TIAM1: variants seen among roughly 807,000 people sequenced by gnomAD.
TIAM1 encodes TIAM Rac1 associated GEF 1.
TIAM1 carries 65 observed loss-of-function variants against 163.5 expected under a neutral mutation model. That is an observed-to-expected ratio of 0.40 (90% CI 0.33 to 0.49). The LOEUF is 0.49. Ranked by LOEUF, TIAM1 falls within the 20% of genes least tolerant of loss-of-function variation. The pLI is 0.77. For missense variants in TIAM1, 1,789 were observed against 2,044.7 expected (o/e 0.87, Z 2.41); for synonymous variants, 833 against 810.1 (o/e 1.03, Z -0.48).
chr21:31,234,223 C>G (rs1259558019), intron 6 of TIAM1, among the ~76,000 whole-genome samples: 1 of 151,872 alleles, frequency 6.6e-6, no homozygotes, highest in African/African-American at 2.4e-5. Context: ...TCTACACAAC[C>G]CTTGGAGATG....
chr21:31,380,450 G>A (rs1414193435), intron 2 of TIAM1, among the ~76,000 whole-genome samples: 2 of 152,172 alleles, frequency 1.3e-5, no homozygotes, highest in African/African-American at 4.8e-5. Context: ...GGCTGAGGCA[G>A]GAGAATCACT....
In TIAM1 at chr21:31,217,598, C is replaced by CTGG; in HGVS notation, c.2096_2097insCCA (p.Leu699_Asp700insGln). On this transcript the variant is annotated inframe_insertion, in exon 9 of 28. Coordinates refer to ENST00000541036, the MANE Select transcript of TIAM1 (RefSeq NM_001353694.2). Reference sequence around the variant, plus strand: ...CCTGCTTCTTTTTGGAGGTAGTATCCAGACCCCACAGAGAAGAAAACCTGC... The same window carrying CTGG: ...CCTGCTTCTTTTTGGAGGTAGTATCCTGGAGACCCCACAGAGAAGAAAACCTGC... The CTGG allele has an allele frequency of 6.2e-7, 1 of 1,614,034 alleles. No homozygotes were observed. Among genetic ancestry groups the CTGG allele is most frequent in the Admixed American group, 1.7e-5 (1 of 59,996 alleles).
chr21:31,336,359 G>C (rs1482573550), intron 2 of TIAM1, among the ~76,000 whole-genome samples: 1 of 152,156 alleles, frequency 6.6e-6, no homozygotes, highest in African/African-American at 2.4e-5. Context: ...GGGAAGATGG[G>C]CTAGCCACTG....
At chr21:31,320,690 G>T (rs1376584532) in intron 2 of TIAM1, among the ~76,000 whole-genome samples, 1 of 152,018 alleles carries the variant, frequency 6.6e-6, no homozygotes, top group East Asian at 1.9e-4. Context: ...GCTAAATGTG[G>T]AATTGAAAAA....
chr21:31,335,757 A>G (rs1217852808), intron 2 of TIAM1, among the ~76,000 whole-genome samples: 2 of 152,196 alleles, frequency 1.3e-5, no homozygotes, highest in East Asian at 3.8e-4. Context: ...TCTAGAGTTA[A>G]TATGACCATT....
At chr21:31,160,737 G>A (rs571921320) in intron 16 of TIAM1, 137 of 378,092 alleles carry the variant, frequency 3.6e-4, no homozygotes, top group African/African-American at 2.6e-3. Flanking sequence ...GTGAGACCCC[G>A]GAGCTGCACT....
At chr21:31,467,930 ATGAAAATTAGCTGGACGTGGTGGTGGG>A (rs2045590478) in intron 1 of TIAM1, among the ~76,000 whole-genome samples, 1 of 151,680 alleles carries the variant, frequency 6.6e-6, no homozygotes, top group South Asian at 2.1e-4. Context: ...TGCTAAAAAT[ATGAAAATTAGCTGGACGTGGTGGTGGG>A]CACCTGTAAT....
Position 31,250,330 on chromosome 21 carries a change from G to T in TIAM1, c.1411+1412C>A, listed in dbSNP as rs115532122. On this transcript the variant is annotated intron_variant, in intron 5 of 27. Transcript: ENST00000541036. ...AGTTCTGTCTTGCTTATGGCATTGG[G>T]ATTGGCATTGCTGGTCTCTGGCACA... Among the ~76,000 whole-genome samples the T allele has an allele frequency of 7.5e-3, 1,139 of 152,168 alleles. 12 individuals carry two copies. Among genetic ancestry groups the T allele is most frequent in the African/African-American group, 0.026 (1,079 of 41,524 alleles).
At chr21:31,234,785 A>C (rs968386096) in intron 6 of TIAM1, among the ~76,000 whole-genome samples, 3 of 152,070 alleles carry the variant, frequency 2.0e-5, no homozygotes, top group Non-Finnish European at 4.4e-5. Flanking sequence ...CTGTCTCCAA[A>C]AAAAAAGAGA....
intron 1 of TIAM1, among the ~76,000 whole-genome samples, chr21:31,508,670 A>T (rs1328439547): frequency 6.6e-6 from 1 of 152,134 alleles, no homozygotes. Context: ...GATTACAGGC[A>T]TAAACCACCG....
intron 1 of TIAM1, among the ~76,000 whole-genome samples, chr21:31,509,010 A>G (rs531755898): frequency 6.6e-6 from 1 of 152,264 alleles, no homozygotes; most frequent in South Asian, 2.1e-4. Flanking sequence ...ATGTCTAGAG[A>G]AGCCAGCAAG....
At chr21:31,123,548 G>A (rs2255507) in intron 27 of TIAM1, among the ~76,000 whole-genome samples, 101,381 of 152,044 alleles carry the variant, frequency 0.67, 35,815 homozygotes, top group African/African-American at 0.91. Flanking sequence ...TAAGGTGCTT[G>A]AAGAATGTAA....
chr21:31,184,167 G>A (rs9984061), intron 14 of TIAM1, among the ~76,000 whole-genome samples: 29,127 of 151,652 alleles, frequency 0.19, 4,453 homozygotes, highest in East Asian at 0.41. Context: ...GTTCAATGGC[G>A]CGATCTCAGT....
rs1322344761 is a variant in TIAM1, at chr21:31,120,674, AAGAT to A, written c.4466_4469del (p.Asp1489ValfsTer26). On this transcript the variant is annotated frameshift_variant, in exon 28 of 28. Coordinates refer to ENST00000541036, the MANE Select transcript of TIAM1 (RefSeq NM_001353694.2). LOFTEE classifies it high-confidence loss of function. The surrounding 1 kb of genome is among the most constrained non-coding windows in gnomAD (Gnocchi z 4.2). The stretch of plus-strand genomic sequence containing the variant: ...TGTCATCTTGCTCCTCATACTGAGC[AAGAT>A]CAAACTGCTCCTCTACCCATCGGTC... 1.9e-6 allele frequency: 3 copies of A among 1,613,986 alleles called. No homozygotes were observed. The highest frequency in any genetic ancestry group is 2.5e-6 in the Non-Finnish European group (3 of 1,180,042).
At chr21:31,179,011 A>G (rs1000377262) in intron 15 of TIAM1, among the ~76,000 whole-genome samples, 1 of 149,330 alleles carries the variant, frequency 6.7e-6, no homozygotes, top group Non-Finnish European at 1.5e-5. Context: ...CTGGCCTCCC[A>G]AAGTGCTGGG....
intron 12 of TIAM1, among the ~76,000 whole-genome samples, chr21:31,199,882 A>C: frequency 1.4e-5 from 2 of 148,082 alleles, no homozygotes; most frequent in African/African-American, 2.5e-5. Flanking sequence ...CCCTCTCTTC[A>C]CTCACTCACC....
intron 2 of TIAM1, among the ~76,000 whole-genome samples, chr21:31,393,559 C>G (rs1449659410): frequency 6.6e-6 from 1 of 152,196 alleles, no homozygotes; most frequent in Non-Finnish European, 1.5e-5. Flanking sequence ...CTGGATTCCA[C>G]ATGAATGTCG....
At chr21:31,175,429 C>A (rs959517674) in intron 15 of TIAM1, among the ~76,000 whole-genome samples, 1 of 152,196 alleles carries the variant, frequency 6.6e-6, no homozygotes, top group African/African-American at 2.4e-5. Context: ...CGGAAAGACA[C>A]TAATGGTGTC....
At chr21:31,475,025 TTTATTATTATTA>T (rs550390061) in intron 1 of TIAM1, among the ~76,000 whole-genome samples, 2 of 118,714 alleles carry the variant, frequency 1.7e-5, no homozygotes, top group Non-Finnish European at 3.6e-5. Flanking sequence ...GAGCTAGTTT[TTTATTATTATTA>T]TTATTATTAT....
Sources: gnomAD v4.1 joint callset for allele counts (sites outside exome capture counted in the v4.1 genomes callset) on GRCh38, gnomAD v4.1.1 for gene constraint, Gnocchi (gnomAD v3.1) non-coding constraint, MANE v1.5 for transcripts, NCBI Gene and HGNC (gene_info 2026-07-23, HGNC 2026-07-21) for gene names.